Variants in HEATR5A observed in about 807,000 individuals in gnomAD.
HEATR5A encodes the protein HEAT repeat-containing protein 5A.
In HEATR5A, 178 loss-of-function variants were observed where a neutral mutation model predicts 218.8. The ratio of observed to expected loss-of-function variants is 0.81; its 90% CI spans 0.72 to 0.92. The LOEUF is 0.92. Among genes scored for constraint, HEATR5A ranks in the 40% least tolerant of loss-of-function variants. HEATR5A has a pLI of 0.00. For missense variants in HEATR5A, 2,420 were observed against 2,418.9 expected (o/e 1.00, Z -0.01); for synonymous variants, 864 against 871.6 (o/e 0.99, Z 0.15).
At chr14:31,364,896 TG>T (rs1229252123) in intron 13 of HEATR5A, among the ~76,000 whole-genome samples, 1 of 152,294 alleles carries the variant, frequency 6.6e-6, no homozygotes, top group African/African-American at 2.4e-5. Context: ...TGTTTTGAGA[TG>T]GAGTCTCACT....
At chr14:31,375,219 T>C (rs1262621896) in intron 11 of HEATR5A, among the ~76,000 whole-genome samples, 1 of 152,198 alleles carries the variant, frequency 6.6e-6, no homozygotes, top group Non-Finnish European at 1.5e-5. Flanking sequence ...ACTACTGCTA[T>C]GTGCTCTTTG....
At chr14:31,339,466 A>G (rs1404723932) in intron 21 of HEATR5A, among the ~76,000 whole-genome samples, 1 of 151,198 alleles carries the variant, frequency 6.6e-6, no homozygotes, top group Non-Finnish European at 1.5e-5. Context: ...AAAAAAAAAA[A>G]AAAAAAAAGA....
intron 26 of HEATR5A, 113 bp from the exon 27 acceptor site, chr14:31,316,062 C>CGCTT (rs1899902588): frequency 2.7e-6 from 2 of 753,202 alleles, no homozygotes; most frequent in East Asian, 5.6e-5. Context: ...GCAGGCAGAT[C>CGCTT]GCTTGAGCCC....
At chr14:31,306,709 C>G (rs200772878) in intron 31 of HEATR5A, 23 bp downstream of exon 31, 1 of 1,587,790 alleles carries the variant, frequency 6.3e-7, no homozygotes, top group South Asian at 1.1e-5. Context: ...TTGATCAACT[C>G]GGCATTAAAG....
intron 3 of HEATR5A, among the ~76,000 whole-genome samples, chr14:31,399,647 T>C (rs1246378177): frequency 6.6e-6 from 1 of 152,130 alleles, no homozygotes; most frequent in Non-Finnish European, 1.5e-5. Flanking sequence ...CTGGCCAACA[T>C]GGTGAAACCC....
At chr14:31,408,445 AATG>A (rs2031154328) in intron 1 of HEATR5A, among the ~76,000 whole-genome samples, 2 of 152,196 alleles carry the variant, frequency 1.3e-5, no homozygotes, top group South Asian at 4.1e-4. Flanking sequence ...AAATCCTGAG[AATG>A]ATAATGCCTT....
chr14:31,312,501 CT>C (rs1302673851), intron 28 of HEATR5A, among the ~76,000 whole-genome samples: 9 of 151,604 alleles, frequency 5.9e-5, no homozygotes, highest in African/African-American at 2.2e-4. Context: ...CAACTTCAGC[CT>C]CCCGGGTTCA....
intron 8 of HEATR5A, 57 bp from the exon 9 acceptor site, chr14:31,386,632 A>G: frequency 2.7e-6 from 4 of 1,464,096 alleles, no homozygotes; most frequent in Non-Finnish European, 3.6e-6. Context: ...TATATTGAAA[A>G]GGGTGTGAAG....
At chr14:31,318,087 A>T in intron 26 of HEATR5A, 137 bp downstream of exon 26, 1 of 676,954 alleles carries the variant, frequency 1.5e-6, no homozygotes, top group East Asian at 2.6e-5. Context: ...TCAAAAAGGA[A>T]GAGTAAGTTT....
chr14:31,393,591 CA>C (rs1367081022), intron 6 of HEATR5A, among the ~76,000 whole-genome samples: 1 of 152,152 alleles, frequency 6.6e-6, no homozygotes, highest in Non-Finnish European at 1.5e-5. Flanking sequence ...AAATTTTCCT[CA>C]AATTTTTACT....
rs184614742 is a variant in HEATR5A at position 31,409,478 on chromosome 14, T to C, written c.-74-6429A>G. On this transcript the variant is annotated intron_variant, in intron 1 of 35. Coordinates refer to ENST00000543095, the MANE Select transcript of HEATR5A (RefSeq NM_015473.4). ...ACTTTGGGAAGCCAAGGCTGGCAGA[T>C]CACTTGAGCCGAGGAGTTCATGACC... 1.3e-3 allele frequency among the ~76,000 whole-genome samples: 196 copies of C among 152,148 alleles called. No homozygotes were observed. The Middle Eastern group carries it at 0.014, about 11-fold the overall frequency.
rs564304564 is a variant in HEATR5A, at chr14:31,321,753, T to G, written c.3788-73A>C. On this transcript the variant is annotated intron_variant, in intron 24 of 35. Coordinates refer to ENST00000543095, the MANE Select transcript of HEATR5A (RefSeq NM_015473.4). ...CAAAAAAATGTGCTGGAACTAAGACTTACATTAAGTGATAATTTTTCCTCC... is the reference window on the plus strand; with the variant it reads ...CAAAAAAATGTGCTGGAACTAAGACGTACATTAAGTGATAATTTTTCCTCC... 20 of 1,132,846 alleles carry G rather than the reference T, an allele frequency of 1.8e-5. No individual in the cohort carries two copies. In the East Asian group the frequency reaches 5.2e-4, roughly 29 times the overall value. 70.2% of individuals were successfully genotyped at this position (1,132,846 alleles called of 1,614,324 possible).
At chr14:31,392,124 T>C (rs1182795370) in intron 6 of HEATR5A, among the ~76,000 whole-genome samples, 4 of 152,202 alleles carry the variant, frequency 2.6e-5, no homozygotes, top group South Asian at 4.1e-4. Context: ...CTCCAAATTT[T>C]TGACAGAGAA....
Position 31,344,051 on chromosome 14 carries a change from T to C in HEATR5A, c.3073A>G (p.Ile1025Val), listed in dbSNP as rs769716098. 4.6e-6 allele frequency: 7 copies of C among 1,535,956 alleles called. No homozygotes were observed. The highest frequency in any genetic ancestry group is 2.5e-5 in the South Asian group (2 of 79,066). ...GPELQGNSTS[I>V]STLRTSCLLG... ...AGACAGGAAGTCCTTAAGGTAGAAATTGAAGTACTGTTACCTAAAATAAAA... is the reference window on the plus strand; with the variant it reads ...AGACAGGAAGTCCTTAAGGTAGAAACTGAAGTACTGTTACCTAAAATAAAA... The change falls in exon 21 of 36, where the codon ATT becomes GTT. Residue 1025 changes from isoleucine to valine, a missense_variant. Ile to Val is a conservative substitution (Grantham distance 29). Coordinates refer to ENST00000543095, the MANE Select transcript of HEATR5A (RefSeq NM_015473.4).
intron 11 of HEATR5A, among the ~76,000 whole-genome samples, chr14:31,378,669 TC>T (rs1471338700): frequency 6.6e-6 from 1 of 151,320 alleles, no homozygotes; most frequent in Non-Finnish European, 1.5e-5. Context: ...GCGCCTGTAG[TC>T]CCAGCTACTC....
chr14:31,390,206 T>G (rs984235762), intron 6 of HEATR5A, among the ~76,000 whole-genome samples: 1 of 152,066 alleles, frequency 6.6e-6, no homozygotes, highest in Admixed American at 6.6e-5. Context: ...AGGAGACAGG[T>G]CAGAGTGTAA....
intron 28 of HEATR5A, among the ~76,000 whole-genome samples, chr14:31,311,086 C>T (rs185100308): frequency 6.7e-4 from 102 of 152,044 alleles, no homozygotes; most frequent in Admixed American, 2.2e-3. Flanking sequence ...AATACACACA[C>T]ACAAAACTAG....
chr14:31,334,729 G>A (rs1433708883), intron 22 of HEATR5A, among the ~76,000 whole-genome samples: 2 of 152,126 alleles, frequency 1.3e-5, no homozygotes, highest in African/African-American at 4.8e-5. Context: ...AGTGGATCAC[G>A]AGGTCAGGAG....
At position 31,292,373 on chromosome 14, in the gene HEATR5A, T is replaced by C. The variant is rs1837194781; in HGVS notation, c.*932A>G. On this transcript the variant is annotated 3_prime_UTR_variant, in exon 36 of 36. Coordinates refer to ENST00000543095, the MANE Select transcript of HEATR5A (RefSeq NM_015473.4). ...TTATTCTATTTAAAATGAGTAAGAC[T>C]CAATTTCTGAACCCAATATAAACTA... 6.6e-6 allele frequency: 1 copy of C among 152,122 alleles called. No individual in the cohort carries two copies. The allele number at this position is 152,122 out of a possible 1,614,324, so 9.4% of individuals were successfully genotyped here. A position where few individuals can be genotyped will look rare whatever the true frequency, so the allele number is the denominator to read the frequency against.
Sources: gnomAD v4.1 joint callset for allele counts (sites outside exome capture counted in the v4.1 genomes callset) on GRCh38, gnomAD v4.1.1 for gene constraint, MANE v1.5 for transcripts, NCBI Gene and HGNC (gene_info 2026-07-23, HGNC 2026-07-21) for gene names.